The following SMARCD3 variants were observed in gnomAD, a reference collection of about 807,000 sequenced individuals.
SMARCD3 encodes the protein SWI/SNF related BAF chromatin remodeling complex subunit D3, also known as SWI/SNF-related matrix-associated actin-dependent regulator of chromatin subfamily D member 3.
SMARCD3 carries 14 observed loss-of-function variants against 58.0 expected under a neutral mutation model. The ratio of observed to expected loss-of-function variants is 0.24; its 90% CI spans 0.16 to 0.38. SMARCD3 has a LOEUF of 0.38. SMARCD3 is among the 10% of genes least tolerant of loss of function. SMARCD3 has a pLI of 1.00. For missense variants in SMARCD3, 408 were observed against 636.9 expected, an observed-to-expected ratio of 0.64 and a Z score of 3.87; for synonymous variants, 253 against 253.8, an observed-to-expected ratio of 1.00 and a Z score of 0.03.
chr7:151,252,698 C>G (rs1442270480), upstream of SMARCD3, among the ~76,000 whole-genome samples: 1 of 149,650 alleles, frequency 6.7e-6, no homozygotes, highest in East Asian at 2.0e-4. Context: ...CCTCAACCCC[C>G]GCCTCTGGTG....
At chr7:151,252,170 G>C (rs1423103722), upstream of SMARCD3, among the ~76,000 whole-genome samples, 4 of 152,146 alleles carry the variant, frequency 2.6e-5, no homozygotes, top group African/African-American at 9.6e-5. Context: ...TCCCACCACG[G>C]GGACTCCGCT....
intron 2 of SMARCD3, among the ~76,000 whole-genome samples, chr7:151,268,507 G>A (rs1190561629): frequency 1.3e-5 from 2 of 152,168 alleles, no homozygotes; most frequent in Non-Finnish European, 2.9e-5. Context: ...AGTGCTGGGG[G>A]CAAAAGAGGA....
chr7:151,250,973 G>A (rs1196387041), upstream of SMARCD3, among the ~76,000 whole-genome samples: 4 of 152,230 alleles, frequency 2.6e-5, no homozygotes, highest in Non-Finnish European at 5.9e-5. Context: ...ACAGGCCTTG[G>A]AGGTTCTGGG....
upstream of SMARCD3, among the ~76,000 whole-genome samples, chr7:151,252,096 G>T (rs1242134098): frequency 2.0e-5 from 3 of 152,054 alleles, no homozygotes; most frequent in Non-Finnish European, 2.9e-5. Flanking sequence ...CTCCTTCCCT[G>T]CGGGAAGATG....
intron 2 of SMARCD3, among the ~76,000 whole-genome samples, chr7:151,260,478 A>G (rs574423568): frequency 1.3e-5 from 2 of 152,298 alleles, no homozygotes; most frequent in East Asian, 3.9e-4. Flanking sequence ...TGGAAATATT[A>G]CTTTTTAGCC....
At position 151,248,396 on chromosome 7, in the gene SMARCD3, G is replaced by T; in HGVS notation, c.78+89C>A. The stretch of plus-strand genomic sequence containing the variant: ...CCCCCCACTAGAGGGGTGGGAGAGC[G>T]GGAGCGCCCTCCCGGCCCCTCCCGA... On this transcript the variant is annotated intron_variant, in intron 1 of 12. Transcript: ENST00000262188. The surrounding 1 kb of genome is among the most constrained non-coding windows in gnomAD (Gnocchi z 6.1). The T allele has an allele frequency of 8.7e-7, 1 of 1,143,772 alleles. No homozygotes were observed. The highest frequency in any genetic ancestry group is 1.3e-6 in the Non-Finnish European group (1 of 768,588). The allele number at this position is 1,143,772 out of a possible 1,614,324, so 70.9% of individuals were successfully genotyped here.
intron 2 of SMARCD3, among the ~76,000 whole-genome samples, chr7:151,261,731 A>C (rs1194123448): frequency 6.6e-6 from 1 of 152,112 alleles, no homozygotes; most frequent in Non-Finnish European, 1.5e-5. Context: ...AACAACCCCC[A>C]GCTAGGGTGG....
chr7:151,251,123 G>A (rs1292159451), upstream of SMARCD3, among the ~76,000 whole-genome samples: 2 of 152,136 alleles, frequency 1.3e-5, no homozygotes, highest in African/African-American at 2.4e-5. Context: ...CAGGGCCTGG[G>A]AGATCCCGGG....
chr7:151,273,162 C>T (rs1200511081), intron 2 of SMARCD3, among the ~76,000 whole-genome samples: 1 of 152,276 alleles, frequency 6.6e-6, no homozygotes, highest in African/African-American at 2.4e-5. Context: ...AGATGCCAAA[C>T]TTCCACCACC....
intron 2 of SMARCD3, among the ~76,000 whole-genome samples, chr7:151,256,638 T>G (rs1249752229): frequency 6.6e-6 from 1 of 152,138 alleles, no homozygotes; most frequent in Non-Finnish European, 1.5e-5. Context: ...GGCAGGCCAC[T>G]CTTCTCACAG....
In SMARCD3 at chr7:151,240,496, A is replaced by G. The variant is rs1802925016; in HGVS notation, c.966T>C (p.Phe322=). 3 of 1,613,668 alleles carry G rather than the reference A, an allele frequency of 1.9e-6. No homozygotes were observed. The highest frequency in any genetic ancestry group is 1.7e-6 in the Non-Finnish European group (2 of 1,179,938). Residue 322 remains phenylalanine (F), a synonymous_variant, in exon 9 of 13, where the codon TTT becomes TTC. Transcript: ENST00000262188. ...QQIFDCPRLK[F]SEIPQRLTAL... The stretch of plus-strand genomic sequence containing the variant: ...CTGTGAGGCGCTGGGGAATCTCAGA[A>G]AACTTCAGCCGGGGACAATCAAAAA...
chr7:151,275,281 A>G lies in SMARCD3; in HGVS notation c.-99-30T>C, dbSNP rs548821636. The stretch of plus-strand genomic sequence containing the variant: ...AAGGAGAGGTCAGACCCTGAGCCCC[A>G]GCGTAGATTCAAGGAGGCCTCGGGA... On this transcript the variant is annotated intron_variant, in intron 1 of 13. Coordinates refer to the SMARCD3 transcript ENST00000356800. The G allele has an allele frequency of 2.1e-4, 172 of 803,080 alleles. 1 individual carries two copies. The Middle Eastern group carries it at 3.1e-3, about 14-fold the overall frequency. 49.7% of individuals were successfully genotyped at this position (803,080 alleles called of 1,614,324 possible).
chr7:151,241,396 T>C lies in SMARCD3; in HGVS notation c.939+96A>G, dbSNP rs1212650829. ...GTACTGCTTCTGCTACTCAGGAATC[T>C]AGAAGGGAGGGGTGGTAGTTACCTT... is the stretch of plus-strand genomic sequence containing the variant. On this transcript the variant is annotated intron_variant, in intron 8 of 12. Transcript: ENST00000262188. The surrounding 1 kb of genome is among the most constrained non-coding windows in gnomAD (Gnocchi z 5.3). 1 of 1,054,250 alleles carries C rather than the reference T, an allele frequency of 9.5e-7. No homozygotes were observed. 65.3% of individuals were successfully genotyped at this position (1,054,250 alleles called of 1,614,324 possible).
chr7:151,244,175 G>A (rs1803143731), intron 2 of SMARCD3, among the ~76,000 whole-genome samples: 1 of 152,202 alleles, frequency 6.6e-6, no homozygotes, highest in Non-Finnish European at 1.5e-5. Flanking sequence ...GGAGGTGACG[G>A]TGTGAAGCTG....
At chr7:151,258,431 G>GGT (rs1407810522) in intron 2 of SMARCD3, among the ~76,000 whole-genome samples, 17 of 151,922 alleles carry the variant, frequency 1.1e-4, no homozygotes, top group Non-Finnish European at 2.2e-4. Flanking sequence ...CGGGTGTGGT[G>GGT]GCATGCAACT....
intron 2 of SMARCD3, among the ~76,000 whole-genome samples, chr7:151,273,063 T>C (rs1317257208): frequency 6.6e-6 from 1 of 152,248 alleles, no homozygotes; most frequent in East Asian, 1.9e-4. Flanking sequence ...CACCAGGGCC[T>C]GTCAGCATCC....
chr7:151,260,903 C>T (rs1047249077), intron 2 of SMARCD3, among the ~76,000 whole-genome samples: 2 of 152,190 alleles, frequency 1.3e-5, no homozygotes, highest in African/African-American at 4.8e-5. Context: ...GCTTGTGAGG[C>T]TTGTTCATGA....
Position 151,242,718 on chromosome 7 carries a change from C to A in SMARCD3, c.456+3G>T. On this transcript the variant is annotated splice_donor_region_variant and intron_variant, in intron 4 of 12. Transcript: ENST00000262188. This position sits in a 1 kb window ranked among gnomAD's most constrained non-coding sequence, Gnocchi z 4.7. ...TCCCCTTCCTACCCCCGAACTAAGG[C>A]ACCTTCATGGGCCTCTTCAGAGCCT... 3 of 1,614,094 alleles carry A rather than the reference C, an allele frequency of 1.9e-6. No individual in the cohort carries two copies. The highest frequency in any genetic ancestry group is 2.2e-5 in the South Asian group (2 of 91,080).
exon 2 of SMARCD3, chr7:151,275,165 C>T (rs753090417): frequency 3.9e-5 from 63 of 1,611,146 alleles, no homozygotes; most frequent in South Asian, 8.9e-5. Context: ...ATGGCAGGGT[C>T]CTGCACCTGG....
Sources: allele counts gnomAD v4.1 joint callset (sites outside exome capture counted in the v4.1 genomes callset), GRCh38; gene constraint gnomAD v4.1.1; non-coding constraint Gnocchi (gnomAD v3.1); transcripts MANE v1.5; gene names NCBI Gene and HGNC (gene_info 2026-07-23, HGNC 2026-07-21).